NRXN1: variants seen among roughly 807,000 people sequenced by gnomAD.
NRXN1 encodes neurexin 1.
In NRXN1, 39 loss-of-function variants were observed where a neutral mutation model predicts 150.9. The observed-to-expected ratio is 0.26, with a 90% CI of 0.20 to 0.34. NRXN1 has a LOEUF of 0.34. Ranked by LOEUF, NRXN1 falls within the 10% of genes least tolerant of loss-of-function variation. The pLI is 1.00. For missense variants in NRXN1, 1,815 were observed against 1,949.9 expected, an observed-to-expected ratio of 0.93 and a Z score of 1.30; for synonymous variants, 924 against 757.0, an observed-to-expected ratio of 1.22 and a Z score of -3.62.
At chr2:50,343,463 A>G (rs991119320) in intron 17 of NRXN1, among the ~76,000 whole-genome samples, 2 of 146,400 alleles carry the variant, frequency 1.4e-5, no homozygotes, top group Non-Finnish European at 2.9e-5. Flanking sequence ...CTATTTAACT[A>G]GAAAAAAAAA....
intron 17 of NRXN1, among the ~76,000 whole-genome samples, chr2:50,424,288 G>A (rs1325090486): frequency 1.0e-5 from 1 of 99,280 alleles, no homozygotes; most frequent in East Asian, 4.6e-4. Context: ...GGAGGGGGAG[G>A]AAGAAGAAGG....
At chr2:50,306,544 AT>A (rs1348856456) in intron 17 of NRXN1, among the ~76,000 whole-genome samples, 1 of 152,174 alleles carries the variant, frequency 6.6e-6, no homozygotes, top group Non-Finnish European at 1.5e-5. Context: ...GGTCAACAAC[AT>A]TGGTTTCTAC....
intron 12 of NRXN1, among the ~76,000 whole-genome samples, chr2:50,509,132 C>G (rs977821293): frequency 1.3e-5 from 2 of 152,212 alleles, no homozygotes; most frequent in South Asian, 4.1e-4. Flanking sequence ...CCAGGTCACA[C>G]AGCTAAAAAG....
intron 17 of NRXN1, among the ~76,000 whole-genome samples, chr2:50,249,322 G>C (rs2066820088): frequency 6.6e-6 from 1 of 152,034 alleles, no homozygotes; most frequent in Non-Finnish European, 1.5e-5. Flanking sequence ...TTAAAAACCA[G>C]ATGGCTTAGA....
At position 50,312,423 on chromosome 2, in the gene NRXN1, G is replaced by GT. The variant is rs1156805367; in HGVS notation, c.3365-75454dup. ...TCTATGAGATGGCTGTTCTTTGTGG[G>GT]TTTTTTTTTTTCTTTTAATCTTGGG... On this transcript the variant is annotated intron_variant, in intron 17 of 22. Transcript: ENST00000401669. Among the ~76,000 whole-genome samples the GT allele has an allele frequency of 9.6e-3, 1,405 of 146,678 alleles. 20 individuals are homozygous for GT. The highest frequency in any genetic ancestry group is 0.032 in the African/African-American group (1,294 of 40,204).
intron 13 of NRXN1, among the ~76,000 whole-genome samples, chr2:50,504,255 T>A (rs1170810280): frequency 6.6e-6 from 1 of 152,080 alleles, no homozygotes; most frequent in African/African-American, 2.4e-5. Context: ...GAATATGGAT[T>A]ACAGATTAGA....
intron 2 of NRXN1, chr2:51,026,390 T>G (rs200472664): frequency 6.3e-7 from 1 of 1,596,656 alleles, no homozygotes; most frequent in Non-Finnish European, 8.5e-7. Context: ...GAGGCTTTGC[T>G]GTATTTATAC....
intron 13 of NRXN1, among the ~76,000 whole-genome samples, chr2:50,503,202 G>C (rs2092041842): frequency 6.6e-6 from 1 of 151,958 alleles, no homozygotes; most frequent in Non-Finnish European, 1.5e-5. Flanking sequence ...CAGCTACTTG[G>C]GAAGCTGAGA....
At chr2:50,757,507 C>T (rs1441680939) in intron 5 of NRXN1, among the ~76,000 whole-genome samples, 1 of 151,570 alleles carries the variant, frequency 6.6e-6, no homozygotes, top group Non-Finnish European at 1.5e-5. Flanking sequence ...CCCATGGATC[C>T]CCAAAATATG....
In NRXN1 at chr2:50,667,802, T is replaced by C. The variant is rs756276467; in HGVS notation, c.833-44187A>G. On this transcript the variant is annotated intron_variant, in intron 5 of 22. Transcript: ENST00000401669. ...AAGTATTATTGCATCTTTGTATCTA[T>C]TCTAACTGCATTAAAAGTTCCCAGA... Among the ~76,000 whole-genome samples the C allele has an allele frequency of 4.6e-5, 7 of 152,140 alleles. No individual in the cohort carries two copies. In the East Asian group the frequency reaches 9.7e-4, roughly 21 times the overall value.
At chr2:50,982,777 T>A (rs959382363) in intron 2 of NRXN1, among the ~76,000 whole-genome samples, 1 of 152,098 alleles carries the variant, frequency 6.6e-6, no homozygotes, top group Non-Finnish European at 1.5e-5. Flanking sequence ...ATCATTTTAA[T>A]GTGCACCTAA....
chr2:50,509,643 T>C (rs2092375726), intron 12 of NRXN1, among the ~76,000 whole-genome samples: 1 of 152,216 alleles, frequency 6.6e-6, no homozygotes. Flanking sequence ...GTTTAACTGT[T>C]GAAATTTTGA....
intron 17 of NRXN1, among the ~76,000 whole-genome samples, chr2:50,295,668 C>A (rs2073473448): frequency 6.6e-6 from 1 of 152,136 alleles, no homozygotes; most frequent in Non-Finnish European, 1.5e-5. Context: ...AGATTCTGAA[C>A]CAGTCTTTTG....
intron 8 of NRXN1, among the ~76,000 whole-genome samples, chr2:50,593,017 T>A (rs1674541376): frequency 6.6e-6 from 1 of 152,218 alleles, no homozygotes; most frequent in South Asian, 2.1e-4. Context: ...GCCCCTGGCA[T>A]AGGCCAAATG....
intron 17 of NRXN1, among the ~76,000 whole-genome samples, chr2:50,319,472 G>A (rs188217210): frequency 2.0e-3 from 299 of 152,146 alleles, no homozygotes; most frequent in African/African-American, 6.8e-3. Flanking sequence ...TGACTGACCT[G>A]CAGCAAAATT....
At chr2:50,898,017 G>C (rs73930224) in intron 5 of NRXN1, among the ~76,000 whole-genome samples, 1,682 of 152,194 alleles carry the variant, frequency 0.011, 39 homozygotes, top group African/African-American at 0.039. Context: ...AAAATTACAG[G>C]ACAAGTTTAG....
chr2:50,932,671 G>T lies in NRXN1; in HGVS notation c.773-6716C>A, dbSNP rs113625702. Reference sequence around the variant, plus strand: ...TGGGTGCACCAACGTCTCAGAAATCGCCACTAAAGAACTTATCCATGCAAC... The same window carrying T: ...TGGGTGCACCAACGTCTCAGAAATCTCCACTAAAGAACTTATCCATGCAAC... On this transcript the variant is annotated intron_variant, in intron 2 of 22. Transcript: ENST00000401669. 1.9e-3 allele frequency among the ~76,000 whole-genome samples: 290 copies of T among 151,982 alleles called. 4 individuals are homozygous for T. The highest frequency in any genetic ancestry group is 6.8e-3 in the African/African-American group (281 of 41,472).
In NRXN1 at chr2:50,497,451, A is replaced by G; in HGVS notation, c.2761T>C (p.Leu921=). The G allele has an allele frequency of 6.2e-7, 1 of 1,613,822 alleles. No individual in the cohort carries two copies. Among genetic ancestry groups the G allele is most frequent in the Non-Finnish European group, 8.5e-7 (1 of 1,179,794 alleles). The part of the protein sequence containing the change: ...TKSSYVALAT[L]QAYTSMHLFF... ...AGATGCATAGAAGTGTAGGCTTGCA[A>G]GGTAGCTAAGGCAACATAGCTCGAT... is the stretch of plus-strand genomic sequence containing the variant. Residue 921 remains leucine (L), a synonymous_variant, in exon 14 of 23, where the codon TTG becomes CTG. Transcript: ENST00000401669.
chr2:50,409,409 T>C (rs2082988132), intron 17 of NRXN1, among the ~76,000 whole-genome samples: 1 of 152,248 alleles, frequency 6.6e-6, no homozygotes, highest in African/African-American at 2.4e-5. Flanking sequence ...TGGGACTTTC[T>C]TCCAAAGTGT....
Sources: allele counts gnomAD v4.1 joint callset (sites outside exome capture counted in the v4.1 genomes callset), GRCh38; gene constraint gnomAD v4.1.1; transcripts MANE v1.5; gene names NCBI Gene and HGNC (gene_info 2026-07-23, HGNC 2026-07-21).